The following TLK2 variants were observed in gnomAD, a reference collection of about 807,000 sequenced individuals.
TLK2 encodes serine/threonine-protein kinase tousled-like 2.
In TLK2, 6 loss-of-function variants were observed where a neutral mutation model predicts 117.3. The ratio of observed to expected loss-of-function variants is 0.05; its 90% CI spans 0.03 to 0.10. TLK2 has a LOEUF of 0.10. Among genes scored for constraint, TLK2 ranks in the 10% least tolerant of loss-of-function variants. The pLI, the probability that TLK2 is intolerant of heterozygous loss-of-function variation, is 1.00. For missense variants in TLK2, 299 were observed against 901.2 expected (o/e 0.33, Z 8.56); for synonymous variants, 257 against 316.7 (o/e 0.81, Z 2.00).
chr17:62,542,111 A>ATTG lies in TLK2; in HGVS notation c.531+5774_531+5775insTTG, dbSNP rs199585152. Among the ~76,000 whole-genome samples the ATTG allele has an allele frequency of 8.6e-3, 1,309 of 152,344 alleles. 14 individuals carry two copies. Among genetic ancestry groups the ATTG allele is most frequent in the African/African-American group, 0.03 (1,264 of 41,582 alleles). On this transcript the variant is annotated intron_variant, in intron 7 of 21. Coordinates refer to ENST00000346027, the MANE Select transcript of TLK2 (RefSeq NM_006852.6). Reference sequence around the variant, plus strand: ...TTGTCAGGGAAAATCATAAGCAAATAGTTTCCTAAATTATGAAAATAGAAC... The same window carrying ATTG: ...TTGTCAGGGAAAATCATAAGCAAATATTGGTTTCCTAAATTATGAAAATAGAAC...
chr17:62,513,339 A>G (rs1368864537), intron 2 of TLK2, among the ~76,000 whole-genome samples: 2 of 117,576 alleles, frequency 1.7e-5, no homozygotes, highest in African/African-American at 3.3e-5. Flanking sequence ...TTTTTTTTTA[A>G]AGAGACAGGT....
intron 2 of TLK2, among the ~76,000 whole-genome samples, chr17:62,505,285 C>G (rs1381921732): frequency 1.3e-5 from 2 of 152,006 alleles, no homozygotes; most frequent in Non-Finnish European, 2.9e-5. Context: ...ACTCTGTTGC[C>G]CAGACTAAAG....
chr17:62,526,577 G>C (rs2076378466), intron 6 of TLK2, among the ~76,000 whole-genome samples: 1 of 152,116 alleles, frequency 6.6e-6, no homozygotes, highest in African/African-American at 2.4e-5. Flanking sequence ...GTATCCAGCT[G>C]TCTACTTGAC....
At chr17:62,588,442 G>A (rs564955320) in intron 16 of TLK2, among the ~76,000 whole-genome samples, 3 of 152,320 alleles carry the variant, frequency 2.0e-5, no homozygotes, top group East Asian at 1.9e-4. Flanking sequence ...CAGAGAGCAC[G>A]TGAAGGGGAT....
At chr17:62,517,703 A>G (rs2075721764) in intron 2 of TLK2, among the ~76,000 whole-genome samples, 1 of 148,474 alleles carries the variant, frequency 6.7e-6, no homozygotes, top group Non-Finnish European at 1.5e-5. Flanking sequence ...ATTAATTATT[A>G]TTATTATTTT....
At chr17:62,485,553 C>T (rs552657146) in intron 2 of TLK2, among the ~76,000 whole-genome samples, 6 of 152,214 alleles carry the variant, frequency 3.9e-5, no homozygotes, top group Non-Finnish European at 8.8e-5. Flanking sequence ...TAGGTAGGTA[C>T]TCAGTTTCTC....
chr17:62,611,628 G>T (rs1378694685), intron 21 of TLK2, among the ~76,000 whole-genome samples: 1 of 152,136 alleles, frequency 6.6e-6, no homozygotes, highest in African/African-American at 2.4e-5. Flanking sequence ...CTGTAATAAT[G>T]ATGTTTTAGA....
chr17:62,548,640 C>T (rs1036414583), intron 7 of TLK2, among the ~76,000 whole-genome samples: 1 of 152,060 alleles, frequency 6.6e-6, no homozygotes, highest in Admixed American at 6.5e-5. Context: ...CCTCAGTTTG[C>T]TGGAAGAAAA....
intron 10 of TLK2, among the ~76,000 whole-genome samples, chr17:62,562,938 A>T (rs1322838660): frequency 6.6e-6 from 1 of 152,222 alleles, no homozygotes; most frequent in Non-Finnish European, 1.5e-5. Flanking sequence ...TGGGCAGCAC[A>T]GCAAGACCAT....
intron 2 of TLK2, among the ~76,000 whole-genome samples, chr17:62,500,411 G>A (rs1444346420): frequency 6.6e-6 from 1 of 152,176 alleles, no homozygotes; most frequent in African/African-American, 2.4e-5. Flanking sequence ...GATTCATCAC[G>A]AAAGAAGGAT....
intron 6 of TLK2, among the ~76,000 whole-genome samples, chr17:62,527,231 A>G (rs189515314): frequency 6.6e-6 from 1 of 152,338 alleles, no homozygotes; most frequent in East Asian, 1.9e-4. Context: ...CTAAAATAGC[A>G]GTCCCTCATA....
intron 2 of TLK2, among the ~76,000 whole-genome samples, chr17:62,489,201 A>G (rs1410818196): frequency 3.6e-5 from 2 of 55,902 alleles, no homozygotes; most frequent in Admixed American, 2.0e-4. Context: ...GTGTGTGTGT[A>G]AATTTTTTTT....
intron 8 of TLK2, 174 bp from the exon 9 acceptor site, chr17:62,553,489 G>A: frequency 1.7e-6 from 1 of 595,636 alleles, no homozygotes; most frequent in South Asian, 1.9e-5. Flanking sequence ...CCCAGCAGAG[G>A]ACTTGAAGAA....
chr17:62,590,430 G>A (rs187952133), intron 16 of TLK2, among the ~76,000 whole-genome samples: 138 of 152,160 alleles, frequency 9.1e-4, no homozygotes, highest in Non-Finnish European at 1.6e-3. Flanking sequence ...GCGACAGAGC[G>A]AGACTCCGTC....
intron 16 of TLK2, among the ~76,000 whole-genome samples, chr17:62,586,813 C>T (rs1453677399): frequency 1.4e-5 from 2 of 142,640 alleles, no homozygotes; most frequent in Admixed American, 7.2e-5. Flanking sequence ...GGTGCGAGTG[C>T]GAGACTGCAT....
rs148136235 is a variant in TLK2, at chr17:62,501,562, A to G, written c.82-19211A>G. On this transcript the variant is annotated intron_variant, in intron 2 of 21. Transcript: ENST00000346027. ...AGCCTGGGCAATATAGCAAAATACA[A>G]AAATACTAAAATACAAAAATACTGG... is the stretch of plus-strand genomic sequence containing the variant. 2.9e-3 allele frequency among the ~76,000 whole-genome samples: 437 copies of G among 150,134 alleles called. 3 individuals are homozygous for G. The highest frequency in any genetic ancestry group is 4.5e-3 in the Non-Finnish European group (301 of 67,470).
chr17:62,540,400 A>T lies in TLK2; in HGVS notation c.531+4063A>T, dbSNP rs1287420570. On this transcript the variant is annotated intron_variant, in intron 7 of 21. Coordinates refer to ENST00000346027, the MANE Select transcript of TLK2 (RefSeq NM_006852.6). ...ATTTTACCTTCAAAATATGTTCAGA[A>T]TTTTTTTTTTTTTTTTTTTTTTTGA... Among the ~76,000 whole-genome samples the T allele has an allele frequency of 5.9e-3, 119 of 20,004 alleles. 4 individuals carry two copies. Among genetic ancestry groups the T allele is most frequent in the African/African-American group, 8.2e-3 (112 of 13,668 alleles). 13.1% of individuals were successfully genotyped at this position (20,004 alleles called of 152,430 possible).
chr17:62,524,331 G>A lies in TLK2; in HGVS notation c.363G>A (p.Pro121=). 6.2e-7 allele frequency: 1 copy of A among 1,610,220 alleles called. No homozygotes were observed. The highest frequency in any genetic ancestry group is 8.5e-7 in the Non-Finnish European group (1 of 1,177,940). ...AACATTCCTTATCCAATCCCTTACC[G>A]GTAAGCATTCACCTGGAGAAATTTG... The part of the protein sequence containing the change: ...SPQHSLSNPL[P]RRVEQPLYGL... Residue 121 remains proline, a splice_region_variant and synonymous_variant, in exon 6 of 22, where the codon CCG becomes CCA. Coordinates refer to ENST00000346027, the MANE Select transcript of TLK2 (RefSeq NM_006852.6).
chr17:62,473,893 AT>A (rs776472170), upstream of TLK2, among the ~76,000 whole-genome samples: 1 of 151,614 alleles, frequency 6.6e-6, no homozygotes, highest in South Asian at 2.1e-4. Context: ...CATAGCCTAG[AT>A]TTTTTTTCTT....
Sources: allele counts gnomAD v4.1 joint callset (sites outside exome capture counted in the v4.1 genomes callset), GRCh38; gene constraint gnomAD v4.1.1; transcripts MANE v1.5; gene names NCBI Gene and HGNC (gene_info 2026-07-23, HGNC 2026-07-21).